Variants in TLL1 observed in about 807,000 individuals in gnomAD.
TLL1 encodes tolloid-like protein 1.
In TLL1, 49 loss-of-function variants were observed where a neutral mutation model predicts 128.2. The ratio of observed to expected loss-of-function variants is 0.38; its 90% CI spans 0.30 to 0.48. TLL1 has a LOEUF of 0.48. TLL1 is among the 20% of genes least tolerant of loss of function. The pLI is 0.96. For synonymous variants in TLL1, 454 were observed against 418.8 expected (o/e 1.08, Z -1.03); for missense variants, 1,123 against 1,242.0 (o/e 0.90, Z 1.44).
At chr4:166,059,969 T>G in intron 14 of TLL1, 59 bp from the exon 15 acceptor site, 1 of 1,594,488 alleles carries the variant, frequency 6.3e-7, no homozygotes, top group Non-Finnish European at 8.6e-7. Context: ...AATGGACAGG[T>G]GCTAAGAAGT....
chr4:166,082,784 T>C (rs1478418053), intron 18 of TLL1, among the ~76,000 whole-genome samples: 1 of 152,016 alleles, frequency 6.6e-6, no homozygotes. Context: ...TTCAAGCAAT[T>C]CTCCTGCCTC....
intron 18 of TLL1, among the ~76,000 whole-genome samples, chr4:166,082,507 A>G (rs1257072325): frequency 6.6e-6 from 1 of 152,138 alleles, no homozygotes; most frequent in Non-Finnish European, 1.5e-5. Flanking sequence ...TATATCAGCC[A>G]ATAGTCATTT....
At position 166,039,373 on chromosome 4, in the gene TLL1, A is replaced by C; in HGVS notation, c.1193A>C (p.Lys398Thr). ...VLNFTTMDLY[K>T]SSLCWYDYIE... ...AATTTTACAACGATGGATCTATACA[A>C]GAGTAGTTTGTGCTGGTATGACTAT... Residue 398 changes from lysine to threonine, a missense_variant, in exon 10 of 21, where the codon AAG becomes ACG. Around this residue, in one of 3 missense-constraint regions of TLL1, gnomAD observed 480 missense variants for 542.4 expected, o/e 0.89. Transcript: ENST00000061240. 6.2e-7 allele frequency: 1 copy of C among 1,613,458 alleles called. No individual in the cohort carries two copies. The highest frequency in any genetic ancestry group is 8.5e-7 in the Non-Finnish European group (1 of 1,179,604).
At chr4:165,881,954 A>G (rs1224290598) in intron 1 of TLL1, among the ~76,000 whole-genome samples, 1 of 152,190 alleles carries the variant, frequency 6.6e-6, no homozygotes, top group African/African-American at 2.4e-5. Context: ...CATTGAATTC[A>G]TGATTATGAG....
chr4:166,004,952 G>GA (rs921913146), intron 6 of TLL1, among the ~76,000 whole-genome samples: 12 of 151,258 alleles, frequency 7.9e-5, no homozygotes, highest in Admixed American at 2.6e-4. Flanking sequence ...GTGGTGGCGG[G>GA]GGGGTGCCTG....
At chr4:166,048,194 C>A (rs1345861450) in intron 12 of TLL1, among the ~76,000 whole-genome samples, 1 of 149,232 alleles carries the variant, frequency 6.7e-6, no homozygotes, top group Non-Finnish European at 1.5e-5. Flanking sequence ...CAGGATCGTG[C>A]CACTGCACTC....
intron 8 of TLL1, among the ~76,000 whole-genome samples, chr4:166,018,599 A>G (rs1015785319): frequency 6.6e-6 from 1 of 152,158 alleles, no homozygotes; most frequent in Non-Finnish European, 1.5e-5. Flanking sequence ...AACTTAAACC[A>G]ATCAACAAAC....
chr4:165,904,865 T>C (rs971322840), intron 1 of TLL1, among the ~76,000 whole-genome samples: 1 of 152,336 alleles, frequency 6.6e-6, no homozygotes, highest in African/African-American at 2.4e-5. Context: ...TTACCAAATA[T>C]ACTTCATCAA....
chr4:165,975,026 C>T (rs192704233), intron 1 of TLL1, among the ~76,000 whole-genome samples: 2 of 152,278 alleles, frequency 1.3e-5, no homozygotes, highest in Admixed American at 1.3e-4. Flanking sequence ...GGGTCTTAGA[C>T]AAATCTGAAA....
At chr4:166,034,536 C>T (rs181474214) in intron 9 of TLL1, among the ~76,000 whole-genome samples, 1 of 151,986 alleles carries the variant, frequency 6.6e-6, no homozygotes, top group Admixed American at 6.6e-5. Context: ...ATTACTATGG[C>T]CATAAAGTGT....
At position 165,992,415 on chromosome 4, in the gene TLL1, C is replaced by T. The variant is rs576508412; in HGVS notation, c.281-389C>T. Among the ~76,000 whole-genome samples, 8 of 152,046 alleles carry T rather than the reference C, an allele frequency of 5.3e-5. No individual in the cohort carries two copies. In the East Asian group the frequency reaches 7.7e-4, roughly 15 times the overall value. On this transcript the variant is annotated intron_variant, in intron 2 of 20. Coordinates refer to ENST00000061240, the MANE Select transcript of TLL1 (RefSeq NM_012464.5). ...TATTTCCATTTGCTGATTTGGCCTCCGAAAATATTCAGTTTGCACTGGGGA... is the reference window on the plus strand; with the variant it reads ...TATTTCCATTTGCTGATTTGGCCTCTGAAAATATTCAGTTTGCACTGGGGA...
At chr4:166,029,192 T>G (rs1481530684) in intron 9 of TLL1, among the ~76,000 whole-genome samples, 3 of 151,994 alleles carry the variant, frequency 2.0e-5, no homozygotes, top group Non-Finnish European at 2.9e-5. Context: ...TTCTCTCTAC[T>G]GGTTTGAAAG....
chr4:166,079,687 T>G (rs941220147), intron 18 of TLL1, among the ~76,000 whole-genome samples: 4 of 152,170 alleles, frequency 2.6e-5, no homozygotes, highest in African/African-American at 9.6e-5. Flanking sequence ...ACATCTGTAT[T>G]GTGGGGTCTG....
At chr4:166,020,817 A>G (rs79306496) in intron 8 of TLL1, among the ~76,000 whole-genome samples, 5,639 of 152,218 alleles carry the variant, frequency 0.037, 109 homozygotes, top group East Asian at 0.067. Context: ...ACATAAATTG[A>G]TAATCTAAAA....
intron 1 of TLL1, among the ~76,000 whole-genome samples, chr4:165,974,878 A>G (rs918034961): frequency 2.6e-5 from 4 of 152,186 alleles, no homozygotes; most frequent in African/African-American, 4.8e-5. Context: ...TGCGTTGCTT[A>G]GGAGGCAGAC....
At chr4:165,957,935 C>T (rs1056663984) in intron 1 of TLL1, among the ~76,000 whole-genome samples, 5 of 144,838 alleles carry the variant, frequency 3.5e-5, no homozygotes, top group African/African-American at 1.3e-4. Flanking sequence ...TGTTCAATTC[C>T]CATCTATGAG....
rs1303594266 is a variant in TLL1 at position 166,074,728 on chromosome 4, T to G, written c.2189-150T>G. On this transcript the variant is annotated intron_variant, in intron 16 of 20. Transcript: ENST00000061240. ...ACAAGGAAAGGGTAAAACTAAGAGA[T>G]CATACATTTTTGTTTGTTTTATGTT... 3.3e-6 allele frequency: 3 copies of G among 902,322 alleles called. No homozygotes were observed. The African/African-American group carries it at 5.0e-5, about 15-fold the overall frequency. 55.9% of individuals were successfully genotyped at this position (902,322 alleles called of 1,614,324 possible). A position where few individuals can be genotyped will look rare whatever the true frequency, so the allele number is the denominator to read the frequency against.
intron 18 of TLL1, 47 bp from the exon 19 acceptor site, chr4:166,091,081 A>T (rs1433002668): frequency 6.9e-6 from 10 of 1,448,780 alleles, no homozygotes; most frequent in Admixed American, 2.1e-5. Context: ...TCTCATTTTG[A>T]GTGATTTGTT....
intron 5 of TLL1, among the ~76,000 whole-genome samples, chr4:165,996,275 C>T (rs1389062733): frequency 2.0e-5 from 3 of 152,098 alleles, no homozygotes; most frequent in Non-Finnish European, 4.4e-5. Context: ...CAGCCCACTA[C>T]TTTACACGTA....
Sources: gnomAD v4.1 joint callset for allele counts (sites outside exome capture counted in the v4.1 genomes callset) on GRCh38, gnomAD v4.1.1 for gene constraint, gnomAD v4.1.1 regional missense constraint, MANE v1.5 for transcripts, NCBI Gene and HGNC (gene_info 2026-07-23, HGNC 2026-07-21) for gene names.